MGST3: variants seen among roughly 807,000 people sequenced by gnomAD.
The protein encoded by MGST3 is glutathione S-transferase 3, mitochondrial.
MGST3 carries 13 observed loss-of-function variants against 15.8 expected under a neutral mutation model. The observed-to-expected ratio is 0.82, with a 90% CI of 0.54 to 1.31. The LOEUF (loss-of-function observed/expected upper bound fraction) is 1.31. Among genes scored for constraint, MGST3 ranks in the 50% most tolerant of loss-of-function variants. The probability of loss-of-function intolerance (pLI) is 0.00; values close to 1 mark genes in which losing one functional copy is unlikely to be tolerated. For synonymous variants in MGST3, 49 were observed against 68.1 expected (o/e 0.72, Z 1.38); for missense variants, 155 against 192.4 (o/e 0.81, Z 1.15).
chr1:165,647,147 A>G (rs1286445205), intron 1 of MGST3: 1 of 152,200 alleles, frequency 6.6e-6, no homozygotes, highest in Non-Finnish European at 1.5e-5. Flanking sequence ...AACGCCATAC[A>G]TACCTTAACA....
chr1:165,652,078 A>G, intron 4 of MGST3, 43 bp downstream of exon 4: 1 of 1,348,946 alleles, frequency 7.4e-7, no homozygotes, highest in South Asian at 1.2e-5. Flanking sequence ...ATAGTAGTTC[A>G]CTGAGCTATT....
intron 1 of MGST3, chr1:165,636,950 C>T (rs1250242282): frequency 6.6e-6 from 1 of 152,164 alleles, no homozygotes; most frequent in African/African-American, 2.4e-5. Context: ...GGACCCTCAG[C>T]ACCACCTCAG....
At chr1:165,631,960 A>C (rs774990956) in intron 1 of MGST3, 4 of 396,578 alleles carry the variant, frequency 1.0e-5, no homozygotes, top group Non-Finnish European at 1.8e-5. Flanking sequence ...TGGATTTCAG[A>C]AAATGCCCCT....
intron 1 of MGST3, among the ~76,000 whole-genome samples, chr1:165,640,074 T>C (rs1225724370): frequency 6.6e-6 from 1 of 152,152 alleles, no homozygotes; most frequent in Non-Finnish European, 1.5e-5. Context: ...AGCATTACTT[T>C]TGAAGGATGG....
In MGST3 at chr1:165,639,224, C is replaced by T. The variant is rs113498989; in HGVS notation, c.-8+7931C>T. Reference sequence around the variant, plus strand: ...TGAACGTTGCAGAGGACTTTCCCCTCGGTGCTTCCCGTACTGGGGGAAGAG... The same window carrying T: ...TGAACGTTGCAGAGGACTTTCCCCTTGGTGCTTCCCGTACTGGGGGAAGAG... On this transcript the variant is annotated intron_variant, in intron 1 of 5. Coordinates refer to ENST00000367889, the MANE Select transcript of MGST3 (RefSeq NM_004528.4). 5.3e-5 allele frequency among the ~76,000 whole-genome samples: 8 copies of T among 152,254 alleles called. 1 individual carries two copies. Among genetic ancestry groups the T allele is most frequent in the East Asian group, 3.9e-4 (2 of 5,176 alleles).
chr1:165,653,155 G>T (rs973514046), intron 4 of MGST3, among the ~76,000 whole-genome samples: 1 of 152,116 alleles, frequency 6.6e-6, no homozygotes, highest in South Asian at 2.1e-4. Context: ...CTTAGAAAAT[G>T]TATCTTTCTG....
Position 165,649,965 on chromosome 1 carries a change from G to T in MGST3, c.117+1G>T, listed in dbSNP as rs1648508422. The stretch of plus-strand genomic sequence containing the variant: ...GGCCCGCAAGAAGTACAAAGTGGAG[G>T]TAAGTGGGAACACAAGCTGGTGCCC... On this transcript the variant is annotated splice_donor_variant, in intron 2 of 5. Transcript: ENST00000367889. LOFTEE classifies it high-confidence loss of function. 5 of 1,614,008 alleles carry T rather than the reference G, an allele frequency of 3.1e-6. No individual in the cohort carries two copies. The African/African-American group carries it at 6.7e-5, about 22-fold the overall frequency.
rs9333442 is a variant in MGST3 at position 165,644,575 on chromosome 1, G to A, written c.-7-5266G>A. Among the ~76,000 whole-genome samples the A allele has an allele frequency of 4.8e-3, 725 of 152,186 alleles. 6 individuals are homozygous for A. Among genetic ancestry groups the A allele is most frequent in the African/African-American group, 0.017 (698 of 41,526 alleles). On this transcript the variant is annotated intron_variant, in intron 1 of 5. Transcript: ENST00000367889. ...TTCTGTACACTGCTGCAGACCTTACGTACACTGTATACTTAGGCTACACTA... is the reference window on the plus strand; with the variant it reads ...TTCTGTACACTGCTGCAGACCTTACATACACTGTATACTTAGGCTACACTA...
rs988379922 is a variant in MGST3, at chr1:165,644,499, T to C, written c.-7-5342T>C. ...TGAATGGAGCCTGCAGGACTGGAAG[T>C]TGCTCTGGATGAGTCAGTGAGTGAG... On this transcript the variant is annotated intron_variant, in intron 1 of 5. Coordinates refer to ENST00000367889, the MANE Select transcript of MGST3 (RefSeq NM_004528.4). Among the ~76,000 whole-genome samples, 3 of 152,306 alleles carry C rather than the reference T, an allele frequency of 2.0e-5. No homozygotes were observed. The South Asian group carries it at 6.2e-4, about 32-fold the overall frequency.
chr1:165,632,337 G>T, intron 1 of MGST3: 1 of 1,562,750 alleles, frequency 6.4e-7, no homozygotes, highest in Non-Finnish European at 8.8e-7. Flanking sequence ...ATTGCTGGTG[G>T]GTAGGAGCTG....
intron 4 of MGST3, among the ~76,000 whole-genome samples, chr1:165,652,752 C>A (rs1648594794): frequency 1.3e-5 from 2 of 152,112 alleles, no homozygotes; most frequent in African/African-American, 4.8e-5. Context: ...GCCAATGGAG[C>A]CAGGAGAGGG....
intron 5 of MGST3, 59 bp downstream of exon 5, chr1:165,654,410 G>A (rs767393879): frequency 4.7e-6 from 7 of 1,504,632 alleles, no homozygotes; most frequent in Non-Finnish European, 6.5e-6. Context: ...TCCTATGCTG[G>A]CCAGGCACAG....
At position 165,655,451 on chromosome 1, in the gene MGST3, C is replaced by A. The variant is rs943693436; in HGVS notation, c.406C>A (p.His136Asn). The A allele has an allele frequency of 6.2e-7, 1 of 1,614,104 alleles. No homozygotes were observed. The highest frequency in any genetic ancestry group is 2.2e-5 in the East Asian group (1 of 44,880). ...CACAACTGTGTGCTCTGCTTTCCAG[C>A]ATCTTGGTTGGGTTAAAAGTGGCTT... ...VGTTVCSAFQ[H>N]LGWVKSGLGS... is the part of the protein sequence containing the mutation. Residue 136 changes from histidine to asparagine, a missense_variant, in exon 6 of 6, where the codon CAT becomes AAT. Transcript: ENST00000367889.
chr1:165,655,353 T>C lies in MGST3; in HGVS notation c.323-15T>C. 1 of 1,613,832 alleles carries C rather than the reference T, an allele frequency of 6.2e-7. No homozygotes were observed. The highest frequency in any genetic ancestry group is 8.5e-7 in the Non-Finnish European group (1 of 1,179,824). On this transcript the variant is annotated splice_polypyrimidine_tract_variant and intron_variant, in intron 5 of 5. Coordinates refer to ENST00000367889, the MANE Select transcript of MGST3 (RefSeq NM_004528.4). ...GGAGCACTCCTGGTAACTTCTGTTCTTTCTTCTTTTTCAGAACCCAGCAAG... is the reference window on the plus strand; with the variant it reads ...GGAGCACTCCTGGTAACTTCTGTTCCTTCTTCTTTTTCAGAACCCAGCAAG...
At chr1:165,651,688 G>A (rs1452405474) in intron 3 of MGST3, 1 of 376,050 alleles carries the variant, frequency 2.7e-6, no homozygotes, top group East Asian at 6.5e-5. Flanking sequence ...TGGATCACTT[G>A]AGGTCAGGAG....
At chr1:165,639,321 G>T (rs1402363966) in intron 1 of MGST3, among the ~76,000 whole-genome samples, 1 of 152,208 alleles carries the variant, frequency 6.6e-6, no homozygotes, top group African/African-American at 2.4e-5. Flanking sequence ...ACTGGCATCA[G>T]TCTGCCTGTA....
At chr1:165,650,362 G>T (rs1239205335) in intron 2 of MGST3, 1 of 303,622 alleles carries the variant, frequency 3.3e-6, no homozygotes, top group Non-Finnish European at 6.3e-6. Flanking sequence ...TAGAAAAGAG[G>T]TATGTGGTGT....
intron 1 of MGST3, among the ~76,000 whole-genome samples, chr1:165,639,801 TCAAAA>T (rs752005231): frequency 6.6e-6 from 1 of 152,102 alleles, no homozygotes; most frequent in Non-Finnish European, 1.5e-5. Context: ...AGACCCTGTC[TCAAAA>T]CAAAACAAAA....
chr1:165,635,582 A>T (rs1186250478), intron 1 of MGST3: 1 of 152,200 alleles, frequency 6.6e-6, no homozygotes, highest in Admixed American at 6.5e-5. Context: ...GCCATGTATT[A>T]AGCAATTGTT....
Sources: allele counts gnomAD v4.1 joint callset (sites outside exome capture counted in the v4.1 genomes callset), GRCh38; gene constraint gnomAD v4.1.1; transcripts MANE v1.5; gene names NCBI Gene and HGNC (gene_info 2026-07-23, HGNC 2026-07-21).